The following SLC35F4 variants were observed in gnomAD, a reference collection of about 807,000 sequenced individuals.
The protein encoded by SLC35F4 is solute carrier family 35 member F4.
A neutral mutation model predicts 44.2 loss-of-function variants in SLC35F4; 24 were observed. The observed-to-expected ratio is 0.54, with a 90% CI of 0.39 to 0.76. The LOEUF (loss-of-function observed/expected upper bound fraction) is 0.76. Among genes scored for constraint, SLC35F4 ranks in the 30% least tolerant of loss-of-function variants. The pLI is 0.00. For missense variants in SLC35F4, 562 were observed against 586.1 expected, an observed-to-expected ratio of 0.96 and a Z score of 0.42; for synonymous variants, 238 against 223.6, an observed-to-expected ratio of 1.06 and a Z score of -0.57.
chr14:57,659,809 T>C (rs1245694632), intron 1 of SLC35F4, among the ~76,000 whole-genome samples: 3 of 152,214 alleles, frequency 2.0e-5, no homozygotes, highest in Admixed American at 2.0e-4. Flanking sequence ...AAACTTTACC[T>C]CCTCAAAATA....
intron 1 of SLC35F4, among the ~76,000 whole-genome samples, chr14:57,702,331 TAAAA>T (rs5808935): frequency 0.25 from 33,558 of 136,684 alleles, 3,873 homozygotes; most frequent in East Asian, 0.31. Flanking sequence ...TCATTTTCTT[TAAAA>T]AAAAAAAAAA....
intron 1 of SLC35F4, among the ~76,000 whole-genome samples, chr14:57,848,523 G>T (rs560664160): frequency 3.9e-5 from 6 of 152,248 alleles, no homozygotes; most frequent in Non-Finnish European, 7.4e-5. Flanking sequence ...GATATTGAAG[G>T]TTCCCAAGGA....
intron 1 of SLC35F4, among the ~76,000 whole-genome samples, chr14:57,613,548 T>C (rs2071632645): frequency 6.6e-6 from 1 of 152,222 alleles, no homozygotes; most frequent in Admixed American, 6.5e-5. Context: ...TGGGATAGCA[T>C]TCTCTAAGAG....
At chr14:57,856,260 T>C (rs1742307228) in intron 1 of SLC35F4, among the ~76,000 whole-genome samples, 1 of 151,954 alleles carries the variant, frequency 6.6e-6, no homozygotes, top group African/African-American at 2.4e-5. Flanking sequence ...CCATGGCACA[T>C]GTATAGCTAT....
At chr14:57,749,259 G>A (rs1246235365) in intron 1 of SLC35F4, among the ~76,000 whole-genome samples, 1 of 152,062 alleles carries the variant, frequency 6.6e-6, no homozygotes, top group East Asian at 1.9e-4. Flanking sequence ...TTTGGGGATA[G>A]GATCACGATA....
chr14:57,952,550 G>C (rs1890160249), intron 1 of SLC35F4, among the ~76,000 whole-genome samples: 1 of 152,062 alleles, frequency 6.6e-6, no homozygotes, highest in South Asian at 2.1e-4. Context: ...AAAAAGGTTA[G>C]AGGAATTGCT....
chr14:57,941,681 T>A (rs1210547775), intron 1 of SLC35F4, among the ~76,000 whole-genome samples: 1 of 152,156 alleles, frequency 6.6e-6, no homozygotes, highest in Non-Finnish European at 1.5e-5. Context: ...AGTGATTAAT[T>A]TTATGTTAGG....
intron 1 of SLC35F4, among the ~76,000 whole-genome samples, chr14:57,706,982 T>C (rs886723240): frequency 6.6e-6 from 1 of 152,170 alleles, no homozygotes; most frequent in East Asian, 1.9e-4. Context: ...CAAGAATGGA[T>C]GTGAGAAGAC....
At chr14:57,967,837 C>T (rs1263074638) in intron 1 of SLC35F4, among the ~76,000 whole-genome samples, 2 of 152,120 alleles carry the variant, frequency 1.3e-5, no homozygotes, top group African/African-American at 2.4e-5. Flanking sequence ...ATAAGTGCTT[C>T]CCAAATTCAT....
At chr14:57,763,299 A>C (rs2077165681) in intron 1 of SLC35F4, among the ~76,000 whole-genome samples, 1 of 152,172 alleles carries the variant, frequency 6.6e-6, no homozygotes, top group Non-Finnish European at 1.5e-5. Context: ...TCTCTAGCTT[A>C]TTTGTTGACA....
At chr14:57,923,981 G>C (rs749676604) in intron 1 of SLC35F4, among the ~76,000 whole-genome samples, 8 of 152,200 alleles carry the variant, frequency 5.3e-5, no homozygotes, top group Admixed American at 6.5e-5. Context: ...GGTCTTTCCT[G>C]TGCTGTTCTC....
At chr14:57,937,641 A>T (rs2141070658) in intron 1 of SLC35F4, among the ~76,000 whole-genome samples, 1 of 116,600 alleles carries the variant, frequency 8.6e-6, no homozygotes. Flanking sequence ...AAAAGAAAAG[A>T]AAAGAAAAGA....
At chr14:57,653,988 G>T (rs1488237643) in intron 1 of SLC35F4, among the ~76,000 whole-genome samples, 1 of 152,236 alleles carries the variant, frequency 6.6e-6, no homozygotes, top group East Asian at 1.9e-4. Flanking sequence ...GATTGCAGAA[G>T]CATCACCCCC....
At chr14:57,822,681 C>A (rs919911396) in intron 1 of SLC35F4, among the ~76,000 whole-genome samples, 26 of 152,200 alleles carry the variant, frequency 1.7e-4, no homozygotes, top group African/African-American at 6.3e-4. Flanking sequence ...CTTAATACAG[C>A]TGACTATAAT....
intron 1 of SLC35F4, among the ~76,000 whole-genome samples, chr14:57,943,619 A>G (rs1889954608): frequency 6.6e-6 from 1 of 151,370 alleles, no homozygotes; most frequent in Admixed American, 6.6e-5. Context: ...CTCTTCACCA[A>G]TCTGCGACTT....
chr14:57,895,280 G>T (rs1212198306), intron 1 of SLC35F4, among the ~76,000 whole-genome samples: 2 of 152,102 alleles, frequency 1.3e-5, no homozygotes, highest in East Asian at 3.8e-4. Flanking sequence ...GAAACTCCAT[G>T]TATTATTATT....
rs151323503 is a variant in SLC35F4 at position 57,605,794 on chromosome 14, A to G, written c.104-11670T>C. On this transcript the variant is annotated intron_variant, in intron 1 of 7. Coordinates refer to ENST00000556826, the MANE Select transcript of SLC35F4 (RefSeq NM_001306087.2). ...ATTATACAGCCACAAAAGAGAATGA[A>G]ATCACGTCCCTTGCAACAACACAGA... Among the ~76,000 whole-genome samples the G allele has an allele frequency of 5.1e-4, 78 of 152,280 alleles. 1 individual carries two copies. Among genetic ancestry groups the G allele is most frequent in the Non-Finnish European group, 8.4e-4 (57 of 68,008 alleles).
At chr14:57,933,558 T>C (rs1311664554) in intron 1 of SLC35F4, among the ~76,000 whole-genome samples, 2 of 152,198 alleles carry the variant, frequency 1.3e-5, no homozygotes, top group Admixed American at 6.5e-5. Flanking sequence ...ACAAAGCTGA[T>C]ACCAGTCAGC....
At chr14:57,755,214 G>C (rs1361353784) in intron 1 of SLC35F4, among the ~76,000 whole-genome samples, 1 of 152,186 alleles carries the variant, frequency 6.6e-6, no homozygotes. Context: ...TGTTGGCGGG[G>C]TTCTAGGCCA....
Sources: gnomAD v4.1 joint callset for allele counts (sites outside exome capture counted in the v4.1 genomes callset) on GRCh38, gnomAD v4.1.1 for gene constraint, MANE v1.5 for transcripts, NCBI Gene and HGNC (gene_info 2026-07-23, HGNC 2026-07-21) for gene names.